Variants in HEBP2 observed in about 807,000 individuals in gnomAD.
HEBP2 encodes heme binding protein 2.
HEBP2 carries 27 observed loss-of-function variants against 23.1 expected under a neutral mutation model. The observed-to-expected ratio is 1.17, with a 90% CI of 0.86 to 1.61. The LOEUF is 1.61. Among genes scored for constraint, HEBP2 ranks in the 40% most tolerant of loss-of-function variants. The pLI is 0.00. For synonymous variants in HEBP2, 99 were observed against 95.1 expected (o/e 1.04, Z -0.24); for missense variants, 245 against 253.8 (o/e 0.97, Z 0.24).
chr6:138,410,320 ACAGT>A (rs879599270), intron 3 of HEBP2, among the ~76,000 whole-genome samples: 15 of 152,340 alleles, frequency 9.8e-5, no homozygotes, highest in East Asian at 1.9e-4. Context: ...GAAACAACAC[ACAGT>A]CAGAGAACAA....
Position 138,416,687 on chromosome 6 carries a change from G to T in HEBP2, c.*3609G>T, listed in dbSNP as rs1774847288. The stretch of plus-strand genomic sequence containing the variant: ...ACTAAGCTCCAAATGGCAGCCGAGG[G>T]GTCCTGACCTGTAAAGTCTCATGGA... On this transcript the variant is annotated 3_prime_UTR_variant, in exon 4 of 4. Coordinates refer to ENST00000607197, the MANE Select transcript of HEBP2 (RefSeq NM_014320.3). 6.6e-6 allele frequency: 1 copy of T among 152,166 alleles called. No homozygotes were observed. Among genetic ancestry groups the T allele is most frequent in the African/African-American group, 2.4e-5 (1 of 41,424 alleles). The allele number at this position is 152,166 out of a possible 1,614,324, so 9.4% of individuals were successfully genotyped here. A position where few individuals can be genotyped will look rare whatever the true frequency, so the allele number is the denominator to read the frequency against.
chr6:138,422,022 C>T lies in HEBP2; in HGVS notation c.*8944C>T, dbSNP rs1774952553. The T allele has an allele frequency of 6.6e-6, 1 of 151,924 alleles. No individual in the cohort carries two copies. The highest frequency in any genetic ancestry group is 1.5e-5 in the Non-Finnish European group (1 of 67,980). The allele number at this position is 151,924 out of a possible 1,614,324, so 9.4% of individuals were successfully genotyped here. On this transcript the variant is annotated 3_prime_UTR_variant, in exon 4 of 4. Coordinates refer to ENST00000607197, the MANE Select transcript of HEBP2 (RefSeq NM_014320.3). The stretch of plus-strand genomic sequence containing the variant: ...TATTCAAAAAAAATGCATGTATAAA[C>T]AAAAAGAAATATTTCAAATATTTAC...
At chr6:138,405,027 G>C in intron 1 of HEBP2, 118 bp from the exon 2 acceptor site, 2 of 1,082,484 alleles carry the variant, frequency 1.8e-6, no homozygotes, top group Non-Finnish European at 2.6e-6. Context: ...ACCCCGGGGC[G>C]GTGCAGCCCC....
At chr6:138,412,752 C>T (rs1774769204) in intron 3 of HEBP2, 128 bp from the exon 4 acceptor site, 2 of 773,276 alleles carry the variant, frequency 2.6e-6, no homozygotes, top group South Asian at 1.8e-5. Context: ...CCTCGCCTGG[C>T]CGAGAGGGAG....
upstream of HEBP2, chr6:138,403,806 A>G (rs905609514): frequency 1.1e-4 from 43 of 400,898 alleles, no homozygotes; most frequent in Non-Finnish European, 1.1e-4. Context: ...CCTGTCGGGG[A>G]AAAGTTCAGA....
rs1197999236 is a variant in HEBP2 at position 138,404,231 on chromosome 6, C to T, written c.-265C>T. On this transcript the variant is annotated 5_prime_UTR_variant, in exon 1 of 4. Coordinates refer to ENST00000607197, the MANE Select transcript of HEBP2 (RefSeq NM_014320.3). ...CGAAGCGAGGTGCGGCTCCCTGTCG[C>T]CGCGGAGGGGCGGGGGCAGGACGCG... is the stretch of plus-strand genomic sequence containing the variant. 2 of 312,300 alleles carry T rather than the reference C, an allele frequency of 6.4e-6. No individual in the cohort carries two copies. The highest frequency in any genetic ancestry group is 1.2e-5 in the Non-Finnish European group (2 of 171,360). The allele number at this position is 312,300 out of a possible 1,614,324, so 19.3% of individuals were successfully genotyped here.
chr6:138,406,110 T>A lies in HEBP2; in HGVS notation c.378T>A (p.Asp126Glu). 1.2e-6 allele frequency: 2 copies of A among 1,614,184 alleles called. No individual in the cohort carries two copies. The highest frequency in any genetic ancestry group is 1.1e-5 in the South Asian group (1 of 91,074). ...QFDPPRPLES[D>E]VFIEDRAEMT... Reference sequence around the variant, plus strand: ...ATCCACCCAGGCCTTTAGAGTCAGATGTCTTCATTGAAGATAGAGCCGAAA... The same window carrying A: ...ATCCACCCAGGCCTTTAGAGTCAGAAGTCTTCATTGAAGATAGAGCCGAAA... Residue 126 changes from aspartate (D) to glutamate (E), a missense_variant, in exon 3 of 4, where the codon GAT (aspartate) becomes GAA (glutamate). Physicochemically the swap from Asp to Glu is conservative, Grantham distance 45. Coordinates refer to ENST00000607197, the MANE Select transcript of HEBP2 (RefSeq NM_014320.3).
In HEBP2 at chr6:138,420,454, G is replaced by C. The variant is rs1284026211; in HGVS notation, c.*7376G>C. The C allele has an allele frequency of 1.3e-5, 2 of 152,190 alleles. No individual in the cohort carries two copies. Among genetic ancestry groups the C allele is most frequent in the Admixed American group, 6.5e-5 (1 of 15,276 alleles). The allele number at this position is 152,190 out of a possible 1,614,324, so 9.4% of individuals were successfully genotyped here. On this transcript the variant is annotated 3_prime_UTR_variant, in exon 4 of 4. Coordinates refer to ENST00000607197, the MANE Select transcript of HEBP2 (RefSeq NM_014320.3). ...GGCAGGCATAGAGCGGTGCCACTTAGATCCCCCTTCAAGACAAGATATGCC... is the reference window on the plus strand; with the variant it reads ...GGCAGGCATAGAGCGGTGCCACTTACATCCCCCTTCAAGACAAGATATGCC...
At position 138,413,285 on chromosome 6, in the gene HEBP2, C is replaced by T. The variant is rs1053657; in HGVS notation, c.*207C>T. On this transcript the variant is annotated 3_prime_UTR_variant, in exon 4 of 4. Coordinates refer to ENST00000607197, the MANE Select transcript of HEBP2 (RefSeq NM_014320.3). ...GACAGTAGTCTGTAAACATATAAAT[C>T]GGTCATAACTATCGTGGTCTTTATT... 0.17 allele frequency: 85,448 copies of T among 502,520 alleles called. 11,417 individuals carry two copies. Among genetic ancestry groups the T allele is most frequent in the African/African-American group, 0.53 (27,443 of 51,890 alleles). The allele number at this position is 502,520 out of a possible 1,614,324, so 31.1% of individuals were successfully genotyped here.
Position 138,413,036 on chromosome 6 carries a change from G to A in HEBP2, c.576G>A (p.Val192=), listed in dbSNP as rs369574484. ...AATTGCTTAATAGAAATAATGAAGT[G>A]TGGTTGATTCAAAAAAATGAACCCA... ...PVKLLNRNNE[V]WLIQKNEPTK... The change falls in exon 4 of 4, where the codon GTG becomes GTA. Residue 192 remains valine (V), a synonymous_variant. Coordinates refer to ENST00000607197, the MANE Select transcript of HEBP2 (RefSeq NM_014320.3). 228 of 1,613,786 alleles carry A rather than the reference G, an allele frequency of 1.4e-4. No homozygotes were observed. Among genetic ancestry groups the A allele is most frequent in the Non-Finnish European group, 1.8e-4 (213 of 1,179,978 alleles).
intron 3 of HEBP2, among the ~76,000 whole-genome samples, chr6:138,411,619 G>C (rs9495079): frequency 0.19 from 29,336 of 152,064 alleles, 4,372 homozygotes; most frequent in African/African-American, 0.42. Flanking sequence ...GATTTAATCA[G>C]GTCCTCAACG....
At position 138,416,954 on chromosome 6, in the gene HEBP2, G is replaced by C. The variant is rs1005107918; in HGVS notation, c.*3876G>C. ...AAAGTTTCCTGCAACATTTCAGCAG[G>C]TGTACACAGTAATGATCCCCTCATT... On this transcript the variant is annotated 3_prime_UTR_variant, in exon 4 of 4. Coordinates refer to ENST00000607197, the MANE Select transcript of HEBP2 (RefSeq NM_014320.3). The C allele has an allele frequency of 6.6e-6, 1 of 152,160 alleles. No individual in the cohort carries two copies. The highest frequency in any genetic ancestry group is 2.4e-5 in the African/African-American group (1 of 41,420). The allele number at this position is 152,160 out of a possible 1,614,324, so 9.4% of individuals were successfully genotyped here. A position where few individuals can be genotyped will look rare whatever the true frequency, so the allele number is the denominator to read the frequency against.
At chr6:138,409,853 C>T (rs1260261993) in intron 3 of HEBP2, among the ~76,000 whole-genome samples, 1 of 152,206 alleles carries the variant, frequency 6.6e-6, no homozygotes, top group Non-Finnish European at 1.5e-5. Flanking sequence ...TTACCTTTGA[C>T]CTCAGGCACG....
At chr6:138,412,232 A>G (rs1774759204) in intron 3 of HEBP2, 1 of 343,584 alleles carries the variant, frequency 2.9e-6, no homozygotes, top group Non-Finnish European at 5.6e-6. Flanking sequence ...CCAGACCTGA[A>G]TCTGCATCGT....
Position 138,415,572 on chromosome 6 carries a change from TAACA to T in HEBP2, c.*2501_*2504del, listed in dbSNP as rs1039089198. 9.9e-5 allele frequency: 15 copies of T among 152,048 alleles called. No homozygotes were observed. Among genetic ancestry groups the T allele is most frequent in the African/African-American group, 2.7e-4 (11 of 41,380 alleles). 9.4% of individuals were successfully genotyped at this position (152,048 alleles called of 1,614,324 possible). ...TGGATAATGAAAAGCTGAGGTCAATTAACAAACAAAACTAAGTGTGAGCCGCAGA... is the reference window on the plus strand; with the variant it reads ...TGGATAATGAAAAGCTGAGGTCAATTAACAAAACTAAGTGTGAGCCGCAGA... On this transcript the variant is annotated 3_prime_UTR_variant, in exon 4 of 4. Transcript: ENST00000607197.
intron 1 of HEBP2, 52 bp from the exon 2 acceptor site, chr6:138,405,093 C>T: frequency 6.3e-7 from 1 of 1,581,810 alleles, no homozygotes. Context: ...TTTTGCATCT[C>T]ACTCCTACCC....
rs531175268 is a variant in HEBP2 at position 138,420,423 on chromosome 6, G to A, written c.*7345G>A. On this transcript the variant is annotated 3_prime_UTR_variant, in exon 4 of 4. Transcript: ENST00000607197. ...AATGGATCCACATAGGCAAGGGGTG[G>A]ACCATGGCAGGCATAGAGCGGTGCC... 5 of 152,136 alleles carry A rather than the reference G, an allele frequency of 3.3e-5. No individual in the cohort carries two copies. Among genetic ancestry groups the A allele is most frequent in the Non-Finnish European group, 4.4e-5 (3 of 68,038 alleles). 9.4% of individuals were successfully genotyped at this position (152,136 alleles called of 1,614,324 possible). A position where few individuals can be genotyped will look rare whatever the true frequency, so the allele number is the denominator to read the frequency against.
rs1774904741 is a variant in HEBP2, at chr6:138,420,489, C to T, written c.*7411C>T. ...CAAGACAAGATATGCCATCCAGCTG[C>T]AAGGAGTGTGGGTAGCTGGCAGCCA... On this transcript the variant is annotated 3_prime_UTR_variant, in exon 4 of 4. Coordinates refer to ENST00000607197, the MANE Select transcript of HEBP2 (RefSeq NM_014320.3). 1 of 152,232 alleles carries T rather than the reference C, an allele frequency of 6.6e-6. No individual in the cohort carries two copies. Among genetic ancestry groups the T allele is most frequent in the South Asian group, 2.1e-4 (1 of 4,824 alleles). The allele number at this position is 152,232 out of a possible 1,614,324, so 9.4% of individuals were successfully genotyped here.
intron 1 of HEBP2, 117 bp downstream of exon 1, chr6:138,404,714 C>T (rs974649122): frequency 1.7e-5 from 10 of 602,026 alleles, no homozygotes; most frequent in Middle Eastern, 4.8e-4. Flanking sequence ...GTCCCAGTCC[C>T]TACCCACTAT....
Sources: gnomAD v4.1 joint callset for allele counts (sites outside exome capture counted in the v4.1 genomes callset) on GRCh38, gnomAD v4.1.1 for gene constraint, MANE v1.5 for transcripts, NCBI Gene and HGNC (gene_info 2026-07-23, HGNC 2026-07-21) for gene names.